VKORC1L1: variants seen among roughly 807,000 people sequenced by gnomAD.
VKORC1L1 encodes the protein vitamin K epoxide reductase complex subunit 1-like protein 1.
In VKORC1L1, 2 loss-of-function variants were observed where a neutral mutation model predicts 18.9. That is an observed-to-expected ratio of 0.11 (90% confidence interval 0.04 to 0.33). The LOEUF (loss-of-function observed/expected upper bound fraction) is 0.33, where lower values mean the gene tolerates loss of function less well. Ranked by LOEUF, VKORC1L1 falls within the 10% of genes least tolerant of loss-of-function variation. The pLI is 1.00. For missense variants in VKORC1L1, 123 were observed against 224.1 expected, an observed-to-expected ratio of 0.55 and a Z score of 2.88; for synonymous variants, 96 against 100.0, an observed-to-expected ratio of 0.96 and a Z score of 0.24.
chr7:65,885,516 T>A (rs1200772768), intron 1 of VKORC1L1, among the ~76,000 whole-genome samples: 1 of 151,898 alleles, frequency 6.6e-6, no homozygotes, highest in Non-Finnish European at 1.5e-5. Context: ...CTTTAAAATA[T>A]TTTCATATAT....
intron 1 of VKORC1L1, among the ~76,000 whole-genome samples, chr7:65,879,736 TTTCC>T (rs745653130): frequency 3.9e-5 from 6 of 151,906 alleles, no homozygotes; most frequent in East Asian, 1.9e-4. Flanking sequence ...TTTCTTTCTT[TTTCC>T]TTCCTTCCTT....
At chr7:65,909,735 T>TGTGTGTGA (rs1789471157) in intron 1 of VKORC1L1, among the ~76,000 whole-genome samples, 1 of 150,510 alleles carries the variant, frequency 6.6e-6, no homozygotes, top group Non-Finnish European at 1.5e-5. Flanking sequence ...TGTGTGTGTG[T>TGTGTGTGA]GTGACGGAGG....
upstream of VKORC1L1, among the ~76,000 whole-genome samples, chr7:65,868,950 A>T (rs1373283823): frequency 6.6e-6 from 1 of 152,100 alleles, no homozygotes; most frequent in Non-Finnish European, 1.5e-5. Flanking sequence ...CCCCTGGTCC[A>T]GTTGTGAAGT....
chr7:65,954,370 TTATTA>T lies in VKORC1L1; in HGVS notation c.*72_*76del. The stretch of plus-strand genomic sequence containing the variant: ...CAGTTTATTTTGCAGCAGGTTTTTA[TTATTA>T]TTATTATTATTATTATTCACAACAG... On this transcript the variant is annotated 3_prime_UTR_variant, in exon 3 of 3. Transcript: ENST00000360768. 6.8e-7 allele frequency: 1 copy of T among 1,469,760 alleles called. No individual in the cohort carries two copies. Among genetic ancestry groups the T allele is most frequent in the Admixed American group, 2.5e-5 (1 of 39,416 alleles). 91.0% of individuals were successfully genotyped at this position (1,469,760 alleles called of 1,614,324 possible).
At chr7:65,943,415 T>C (rs557710788) in intron 1 of VKORC1L1, among the ~76,000 whole-genome samples, 9 of 152,280 alleles carry the variant, frequency 5.9e-5, no homozygotes, top group African/African-American at 2.2e-4. Flanking sequence ...TTTTAAACTA[T>C]ATATAACTGT....
intron 1 of VKORC1L1, among the ~76,000 whole-genome samples, chr7:65,878,282 C>G (rs1317889730): frequency 2.0e-5 from 3 of 151,774 alleles, no homozygotes; most frequent in Admixed American, 6.6e-5. Flanking sequence ...CCCTTGTCTA[C>G]TAAAAATACA....
chr7:65,903,547 G>A (rs1789354373), intron 1 of VKORC1L1, among the ~76,000 whole-genome samples: 1 of 152,116 alleles, frequency 6.6e-6, no homozygotes, highest in African/African-American at 2.4e-5. Flanking sequence ...CCAGCACTTG[G>A]GGAGGCAAGG....
rs1554300813 is a variant in VKORC1L1 at position 65,929,670 on chromosome 7, ATG to A, written c.195-18989_195-18988del. On this transcript the variant is annotated intron_variant, in intron 1 of 2. Transcript: ENST00000360768. ...TATATATATGTATGTGTGTGTGTGT[ATG>A]TGTGTGTGTGTATATATATATATAT... Among the ~76,000 whole-genome samples, 104 of 117,406 alleles carry A rather than the reference ATG, an allele frequency of 8.9e-4. 4 individuals are homozygous for A. The East Asian group carries it at 0.011, about 13-fold the overall frequency. The allele number at this position is 117,406 out of a possible 152,430, so 77.0% of individuals were successfully genotyped here. A position where few individuals can be genotyped will look rare whatever the true frequency, so the allele number is the denominator to read the frequency against.
intron 1 of VKORC1L1, among the ~76,000 whole-genome samples, chr7:65,884,223 C>A (rs751688805): frequency 7.9e-5 from 12 of 152,146 alleles, no homozygotes; most frequent in Non-Finnish European, 1.5e-4. Context: ...ATTATTGTGA[C>A]TATGAAGTGT....
chr7:65,904,484 C>T (rs926600886), intron 1 of VKORC1L1, among the ~76,000 whole-genome samples: 27 of 152,086 alleles, frequency 1.8e-4, no homozygotes, highest in African/African-American at 6.3e-4. Flanking sequence ...GGATTACAGG[C>T]GTGAGCTACC....
At chr7:65,905,165 A>G (rs912503088) in intron 1 of VKORC1L1, among the ~76,000 whole-genome samples, 2 of 152,180 alleles carry the variant, frequency 1.3e-5, no homozygotes, top group African/African-American at 4.8e-5. Flanking sequence ...TTTAACTTTT[A>G]ATCGTGAACA....
intron 1 of VKORC1L1, among the ~76,000 whole-genome samples, chr7:65,880,942 T>C (rs1788918375): frequency 6.6e-6 from 1 of 152,178 alleles, no homozygotes; most frequent in Non-Finnish European, 1.5e-5. Context: ...AAATCCAAAA[T>C]CTGAAATGCC....
chr7:65,913,657 T>A (rs1789539297), intron 1 of VKORC1L1, among the ~76,000 whole-genome samples: 1 of 139,810 alleles, frequency 7.2e-6, no homozygotes, highest in African/African-American at 2.7e-5. Flanking sequence ...ACCTGGGAGG[T>A]TGGAGGTTGT....
In VKORC1L1 at chr7:65,958,887, C is replaced by T. The variant is rs1300350863; in HGVS notation, c.*4587C>T. 1.3e-5 allele frequency: 2 copies of T among 152,196 alleles called. No individual in the cohort carries two copies. Among genetic ancestry groups the T allele is most frequent in the African/African-American group, 4.8e-5 (2 of 41,450 alleles). The allele number at this position is 152,196 out of a possible 1,614,324, so 9.4% of individuals were successfully genotyped here. ...TTTACTTTAGCTTACCTTGAATACT[C>T]CCTGTATAATCCTCTAAAAAGGTAG... On this transcript the variant is annotated 3_prime_UTR_variant, in exon 3 of 3. Coordinates refer to ENST00000360768, the MANE Select transcript of VKORC1L1 (RefSeq NM_173517.6).
At chr7:65,892,375 T>TAA (rs1301538698) in intron 1 of VKORC1L1, among the ~76,000 whole-genome samples, 13 of 152,228 alleles carry the variant, frequency 8.5e-5, no homozygotes, top group African/African-American at 3.1e-4. Flanking sequence ...ATAGTGATTG[T>TAA]ACTAATTTAC....
At chr7:65,930,280 C>T (rs1789837055) in intron 1 of VKORC1L1, among the ~76,000 whole-genome samples, 1 of 152,094 alleles carries the variant, frequency 6.6e-6, no homozygotes. Context: ...TTGGCATAGA[C>T]TCAAATGGGA....
intron 2 of VKORC1L1, among the ~76,000 whole-genome samples, chr7:65,952,801 T>C (rs1402606162): frequency 9.3e-6 from 1 of 107,786 alleles, no homozygotes; most frequent in Non-Finnish European, 2.0e-5. Context: ...TTTTTTTTTT[T>C]TGAGACAGAG....
rs59548993 is a variant in VKORC1L1, at chr7:65,885,774, C to A, written c.194+12209C>A. 3.8e-3 allele frequency among the ~76,000 whole-genome samples: 582 copies of A among 152,190 alleles called. 11 individuals carry two copies. Among genetic ancestry groups the A allele is most frequent in the Middle Eastern group, 0.034 (10 of 294 alleles). On this transcript the variant is annotated intron_variant, in intron 1 of 2. Transcript: ENST00000360768. Reference sequence around the variant, plus strand: ...GTTTATTCCATTACCACCCCTCCCCCGTGGCTTTTTATAGAAGTTTGATAT... The same window carrying A: ...GTTTATTCCATTACCACCCCTCCCCAGTGGCTTTTTATAGAAGTTTGATAT...
intron 1 of VKORC1L1, among the ~76,000 whole-genome samples, chr7:65,940,017 T>TC (rs1253650693): frequency 1.6e-4 from 11 of 69,348 alleles, no homozygotes; most frequent in Non-Finnish European, 4.5e-4. Flanking sequence ...GAAAATTGTC[T>TC]TTTTTTTTTT....
Sources: gnomAD v4.1 joint callset for allele counts (sites outside exome capture counted in the v4.1 genomes callset) on GRCh38, gnomAD v4.1.1 for gene constraint, MANE v1.5 for transcripts, NCBI Gene and HGNC (gene_info 2026-07-23, HGNC 2026-07-21) for gene names.